TMEM132B: variants seen among roughly 807,000 people sequenced by gnomAD.
TMEM132B encodes the protein transmembrane protein 132B.
Under a neutral mutation model 90.8 loss-of-function variants are expected in TMEM132B, and 18 were observed. That is an observed-to-expected ratio of 0.20 (90% CI 0.14 to 0.29). The LOEUF (loss-of-function observed/expected upper bound fraction) is 0.29, where lower values mean the gene tolerates loss of function less well. Ranked by LOEUF, TMEM132B falls within the 10% of genes least tolerant of loss-of-function variation. The pLI is 1.00. For synonymous variants in TMEM132B, 504 were observed against 523.3 expected (o/e 0.96, Z 0.50); for missense variants, 1,096 against 1,326.8 (o/e 0.83, Z 2.70).
In TMEM132B at chr12:125,661,292, T is replaced by C. The variant is rs1224111539; in HGVS notation, c.*6582T>C. On this transcript the variant is annotated 3_prime_UTR_variant, in exon 9 of 9. Transcript: ENST00000682704. ...AGGATCTCTGTTTTATCCATGTATTTCCCACATAGTAGAAGCATTTTCCAT... is the reference window on the plus strand; with the variant it reads ...AGGATCTCTGTTTTATCCATGTATTCCCCACATAGTAGAAGCATTTTCCAT... 2 of 152,230 alleles carry C rather than the reference T, an allele frequency of 1.3e-5. No individual in the cohort carries two copies. Among genetic ancestry groups the C allele is most frequent in the East Asian group, 3.9e-4 (2 of 5,190 alleles). The allele number at this position is 152,230 out of a possible 1,614,324, so 9.4% of individuals were successfully genotyped here. A position where few individuals can be genotyped will look rare whatever the true frequency, so the allele number is the denominator to read the frequency against.
intron 3 of TMEM132B, among the ~76,000 whole-genome samples, chr12:125,506,040 T>C (rs2136615778): frequency 6.6e-6 from 1 of 152,382 alleles, no homozygotes; most frequent in East Asian, 1.9e-4. Context: ...TGAAAACGTA[T>C]GTTCATACAA....
intron 2 of TMEM132B, among the ~76,000 whole-genome samples, chr12:125,369,365 A>G (rs1240462462): frequency 6.6e-6 from 1 of 152,250 alleles, no homozygotes; most frequent in Non-Finnish European, 1.5e-5. Flanking sequence ...AGCATGATTT[A>G]TAATCCTTTG....
chr12:125,232,531 A>G (rs1471491098), intron 1 of TMEM132B, among the ~76,000 whole-genome samples: 3 of 152,208 alleles, frequency 2.0e-5, no homozygotes, highest in Non-Finnish European at 4.4e-5. Context: ...CCCAGCCAAT[A>G]AACATCTCCT....
intron 4 of TMEM132B, among the ~76,000 whole-genome samples, chr12:125,568,463 A>G (rs1241111506): frequency 6.6e-6 from 1 of 152,088 alleles, no homozygotes; most frequent in African/African-American, 2.4e-5. Flanking sequence ...GTTTTCCCCC[A>G]TGCAATGCCT....
In TMEM132B at chr12:125,654,023, C is replaced by G. The variant is rs1243665589; in HGVS notation, c.2565C>G (p.Pro855=). ...AAAGTACCAACAAAAGCACAACCCC[C>G]CAGTCTCCCATGGAAGGGAAGAATA... ...QEESTNKSTT[P]QSPMEGKNKL... The change falls in exon 9 of 9, where the codon CCC becomes CCG. Residue 855 remains proline, a synonymous_variant. Transcript: ENST00000682704. This position sits in a 1 kb window ranked among gnomAD's most constrained non-coding sequence, Gnocchi z 5.8. 2 of 1,614,144 alleles carry G rather than the reference C, an allele frequency of 1.2e-6. No homozygotes were observed. Among genetic ancestry groups the G allele is most frequent in the African/African-American group, 2.7e-5 (2 of 75,040 alleles).
At chr12:125,619,821 C>T (rs1229805174) in intron 5 of TMEM132B, among the ~76,000 whole-genome samples, 1 of 152,190 alleles carries the variant, frequency 6.6e-6, no homozygotes, top group Non-Finnish European at 1.5e-5. Flanking sequence ...TCCTGCAAGA[C>T]AAGAGAGAGT....
At chr12:125,338,036 CCTT>C (rs1265011930) in intron 1 of TMEM132B, among the ~76,000 whole-genome samples, 1 of 152,218 alleles carries the variant, frequency 6.6e-6, no homozygotes, top group African/African-American at 2.4e-5. Flanking sequence ...AATGTACACA[CCTT>C]CTTCCCTTTT....
chr12:125,549,151 G>T (rs1416016955), intron 4 of TMEM132B, among the ~76,000 whole-genome samples: 1 of 152,208 alleles, frequency 6.6e-6, no homozygotes, highest in Non-Finnish European at 1.5e-5. Context: ...GGCAGACTTT[G>T]TCAGCTGTTG....
At chr12:125,319,483 G>A (rs115558839) in intron 1 of TMEM132B, among the ~76,000 whole-genome samples, 1,599 of 152,302 alleles carry the variant, frequency 0.01, 34 homozygotes, top group African/African-American at 0.037. Context: ...TTCTGCTGTG[G>A]CCACACACCC....
chr12:125,548,750 G>A (rs983173724), intron 4 of TMEM132B, among the ~76,000 whole-genome samples: 3 of 152,182 alleles, frequency 2.0e-5, no homozygotes. Context: ...GAGTTGACAT[G>A]GTTTATGTTT....
At chr12:125,228,013 T>C (rs1873720255) in intron 1 of TMEM132B, among the ~76,000 whole-genome samples, 1 of 152,226 alleles carries the variant, frequency 6.6e-6, no homozygotes, top group African/African-American at 2.4e-5. Flanking sequence ...TTTGCATTTC[T>C]CTATTCCTCA....
intron 2 of TMEM132B, among the ~76,000 whole-genome samples, chr12:125,361,397 C>A (rs1290156215): frequency 6.6e-6 from 1 of 152,124 alleles, no homozygotes; most frequent in African/African-American, 2.4e-5. Flanking sequence ...TCATGATCCC[C>A]CATTTCAAAG....
At chr12:125,607,020 T>A (rs902609954) in intron 5 of TMEM132B, among the ~76,000 whole-genome samples, 13 of 152,118 alleles carry the variant, frequency 8.5e-5, no homozygotes, top group Admixed American at 5.9e-4. Flanking sequence ...CTAGGAGTAG[T>A]CTTGGACACC....
In TMEM132B at chr12:125,656,199, A is replaced by G. The variant is rs751098722; in HGVS notation, c.*1489A>G. 6 of 152,254 alleles carry G rather than the reference A, an allele frequency of 3.9e-5. No individual in the cohort carries two copies. The highest frequency in any genetic ancestry group is 3.9e-4 in the Admixed American group (6 of 15,284). 9.4% of individuals were successfully genotyped at this position (152,254 alleles called of 1,614,324 possible). A position where few individuals can be genotyped will look rare whatever the true frequency, so the allele number is the denominator to read the frequency against. On this transcript the variant is annotated 3_prime_UTR_variant, in exon 9 of 9. Coordinates refer to ENST00000682704, the MANE Select transcript of TMEM132B (RefSeq NM_001366854.1). ...TAAGATTGTATTATTGGAAATGTAGACACTGGACTAGTATGCCTCATTATG... is the reference window on the plus strand; with the variant it reads ...TAAGATTGTATTATTGGAAATGTAGGCACTGGACTAGTATGCCTCATTATG...
At chr12:125,340,917 T>C (rs1877159186) in intron 1 of TMEM132B, among the ~76,000 whole-genome samples, 1 of 152,194 alleles carries the variant, frequency 6.6e-6, no homozygotes, top group Non-Finnish European at 1.5e-5. Flanking sequence ...ATTGTGGAAA[T>C]GATGTCATGC....
chr12:125,601,392 A>C (rs529297595), intron 5 of TMEM132B, among the ~76,000 whole-genome samples: 5 of 152,328 alleles, frequency 3.3e-5, no homozygotes, highest in African/African-American at 1.2e-4. Context: ...TAAAGATAGA[A>C]ATCAAGAAGT....
At chr12:125,201,759 G>A (rs1208912078) in intron 1 of TMEM132B, among the ~76,000 whole-genome samples, 1 of 152,224 alleles carries the variant, frequency 6.6e-6, no homozygotes, top group East Asian at 1.9e-4. Context: ...GAGATATTGT[G>A]TAAGAAAAAC....
intron 1 of TMEM132B, among the ~76,000 whole-genome samples, chr12:125,320,681 T>C (rs1876405175): frequency 6.6e-6 from 1 of 152,130 alleles, no homozygotes; most frequent in South Asian, 2.1e-4. Flanking sequence ...CCGACTTAAA[T>C]GGAAACAAAT....
chr12:125,317,440 G>A (rs139738159), intron 1 of TMEM132B, among the ~76,000 whole-genome samples: 104 of 152,198 alleles, frequency 6.8e-4, no homozygotes, highest in African/African-American at 2.2e-3. Flanking sequence ...CTCACCCGAC[G>A]GGCAGAACTG....
Sources: allele counts gnomAD v4.1 joint callset (sites outside exome capture counted in the v4.1 genomes callset), GRCh38; gene constraint gnomAD v4.1.1; non-coding constraint Gnocchi (gnomAD v3.1); transcripts MANE v1.5; gene names NCBI Gene and HGNC (gene_info 2026-07-23, HGNC 2026-07-21).